Variants in PARN observed in about 807,000 individuals in gnomAD.
The protein encoded by PARN is poly(A)-specific ribonuclease PARN.
In PARN, 71 loss-of-function variants were observed where a neutral mutation model predicts 102.8. The ratio of observed to expected loss-of-function variants is 0.69; its 90% CI spans 0.57 to 0.84. The LOEUF is 0.84. PARN is among the 40% of genes least tolerant of loss of function. The pLI, the probability that PARN is intolerant of heterozygous loss-of-function variation, is 0.00. For missense variants in PARN, 782 were observed against 760.9 expected, an observed-to-expected ratio of 1.03 and a Z score of -0.33; for synonymous variants, 261 against 252.9, an observed-to-expected ratio of 1.03 and a Z score of -0.30.
At chr16:14,471,574 G>A (rs1271083909) in intron 22 of PARN, among the ~76,000 whole-genome samples, 1 of 151,940 alleles carries the variant, frequency 6.6e-6, no homozygotes, top group African/African-American at 2.4e-5. Flanking sequence ...CATTTTAAAC[G>A]TACAGTTCTG....
intron 22 of PARN, among the ~76,000 whole-genome samples, chr16:14,471,736 A>G (rs183234675): frequency 2.6e-5 from 4 of 152,306 alleles, no homozygotes; most frequent in Admixed American, 1.3e-4. Context: ...AGAACCTCAT[A>G]TAAGTGAAAT....
intron 13 of PARN, among the ~76,000 whole-genome samples, chr16:14,588,401 G>T (rs1039146259): frequency 3.9e-5 from 6 of 152,072 alleles, no homozygotes; most frequent in Non-Finnish European, 7.4e-5. Context: ...TTTTCAGCAG[G>T]GTCAGTGACA....
chr16:14,507,734 T>C (rs1231949552), intron 21 of PARN, among the ~76,000 whole-genome samples: 3 of 152,194 alleles, frequency 2.0e-5, no homozygotes, highest in Admixed American at 1.3e-4. Flanking sequence ...TTTGCAGCTC[T>C]TTCTTTCATA....
At chr16:14,463,327 C>T (rs923459532) in intron 22 of PARN, among the ~76,000 whole-genome samples, 6 of 151,994 alleles carry the variant, frequency 3.9e-5, no homozygotes, top group African/African-American at 1.5e-4. Context: ...TAGTACACCA[C>T]AAGGTAAAAT....
chr16:14,623,980 A>G (rs1972483680), intron 5 of PARN, among the ~76,000 whole-genome samples: 1 of 152,222 alleles, frequency 6.6e-6, no homozygotes, highest in Non-Finnish European at 1.5e-5. Flanking sequence ...AAGAAAAGAA[A>G]AAGGAGAAGA....
intron 22 of PARN, among the ~76,000 whole-genome samples, chr16:14,448,642 T>G (rs566009607): frequency 6.6e-6 from 1 of 152,318 alleles, no homozygotes; most frequent in Non-Finnish European, 1.5e-5. Flanking sequence ...ACCTAAATAT[T>G]CAAGTTCCTC....
chr16:14,480,983 A>AT (rs1193674531), intron 22 of PARN, among the ~76,000 whole-genome samples: 4 of 151,288 alleles, frequency 2.6e-5, no homozygotes, highest in Non-Finnish European at 5.9e-5. Flanking sequence ...AACATAAAAG[A>AT]TTGACGGCAT....
At chr16:14,482,217 C>G (rs1451190430) in intron 22 of PARN, among the ~76,000 whole-genome samples, 1 of 152,018 alleles carries the variant, frequency 6.6e-6, no homozygotes, top group Non-Finnish European at 1.5e-5. Flanking sequence ...GGCAATAGAG[C>G]GAGACCTCAT....
chr16:14,471,905 A>G (rs1298994689), intron 22 of PARN, among the ~76,000 whole-genome samples: 1 of 152,224 alleles, frequency 6.6e-6, no homozygotes, highest in African/African-American at 2.4e-5. Context: ...ATGTATTAGA[A>G]TCTCCTTCCT....
intron 21 of PARN, among the ~76,000 whole-genome samples, chr16:14,525,740 A>G (rs1166346203): frequency 1.3e-5 from 2 of 152,242 alleles, no homozygotes; most frequent in Non-Finnish European, 2.9e-5. Context: ...TCCACCAGGA[A>G]AAGACTATAC....
At chr16:14,507,864 G>T (rs1964976975) in intron 21 of PARN, among the ~76,000 whole-genome samples, 1 of 152,154 alleles carries the variant, frequency 6.6e-6, no homozygotes, top group Non-Finnish European at 1.5e-5. Context: ...ATATCAACTT[G>T]ATGGCTTATC....
chr16:14,500,482 C>T (rs1364283101), intron 21 of PARN, among the ~76,000 whole-genome samples: 1 of 152,138 alleles, frequency 6.6e-6, no homozygotes, highest in African/African-American at 2.4e-5. Flanking sequence ...CCATAGCTCA[C>T]TGGAGCCTCA....
At chr16:14,548,343 C>T (rs752014028) in intron 21 of PARN, among the ~76,000 whole-genome samples, 5 of 152,184 alleles carry the variant, frequency 3.3e-5, no homozygotes, top group Middle Eastern at 3.4e-3. Context: ...AATTTCACAC[C>T]GTCTTTCAGT....
chr16:14,491,749 G>A (rs987292878), intron 21 of PARN, among the ~76,000 whole-genome samples: 3 of 152,054 alleles, frequency 2.0e-5, no homozygotes, highest in African/African-American at 4.8e-5. Flanking sequence ...TCCAGCCTGC[G>A]CAAGAGAGTA....
At chr16:14,538,628 G>C (rs960279835) in intron 21 of PARN, among the ~76,000 whole-genome samples, 1 of 152,112 alleles carries the variant, frequency 6.6e-6, no homozygotes, top group Non-Finnish European at 1.5e-5. Flanking sequence ...AAATTAGAGA[G>C]ATTTATTCAA....
intron 12 of PARN, among the ~76,000 whole-genome samples, 178 bp downstream of exon 12, chr16:14,599,726 C>T (rs1332878004): frequency 6.6e-6 from 1 of 152,132 alleles, no homozygotes; most frequent in Non-Finnish European, 1.5e-5. Context: ...TATAATTTAG[C>T]AATTATGCCT....
intron 22 of PARN, among the ~76,000 whole-genome samples, chr16:14,461,470 C>T (rs973119148): frequency 2.6e-5 from 4 of 152,176 alleles, no homozygotes; most frequent in African/African-American, 9.7e-5. Flanking sequence ...GAATCAGCTT[C>T]CAGTGGGTTA....
chr16:14,475,507 G>A (rs977998616), intron 22 of PARN, among the ~76,000 whole-genome samples: 11 of 152,018 alleles, frequency 7.2e-5, no homozygotes, highest in South Asian at 2.1e-4. Context: ...TCTTTTTTCC[G>A]GTTAACTATA....
At chr16:14,582,857 T>A (rs974732984) in intron 16 of PARN, among the ~76,000 whole-genome samples, 1 of 152,108 alleles carries the variant, frequency 6.6e-6, no homozygotes, top group Non-Finnish European at 1.5e-5. Flanking sequence ...TCAGATAAGA[T>A]AATATAAGTT....
Sources: gnomAD v4.1 joint callset for allele counts (sites outside exome capture counted in the v4.1 genomes callset) on GRCh38, gnomAD v4.1.1 for gene constraint, MANE v1.5 for transcripts, NCBI Gene and HGNC (gene_info 2026-07-23, HGNC 2026-07-21) for gene names.